Variants in FGF14 observed in about 807,000 individuals in gnomAD.
The protein encoded by FGF14 is fibroblast growth factor 14.
In FGF14, 5 loss-of-function variants were observed where a neutral mutation model predicts 25.5. The ratio of observed to expected loss-of-function variants is 0.20; its 90% CI spans 0.10 to 0.41. The LOEUF is 0.41. FGF14 is among the 10% of genes least tolerant of loss of function. The pLI is 1.00. For synonymous variants in FGF14, 138 were observed against 118.3 expected, an observed-to-expected ratio of 1.17 and a Z score of -1.08; for missense variants, 222 against 320.1, an observed-to-expected ratio of 0.69 and a Z score of 2.34.
At chr13:101,807,072 T>C (rs1345334186) in intron 3 of FGF14, among the ~76,000 whole-genome samples, 1 of 152,080 alleles carries the variant, frequency 6.6e-6, no homozygotes, top group African/African-American at 2.4e-5. Flanking sequence ...GGGGCAGGGA[T>C]GGTGCAAGAA....
intron 1 of FGF14, among the ~76,000 whole-genome samples, chr13:102,284,101 A>G (rs1981156): frequency 0.58 from 88,704 of 151,996 alleles, 26,042 homozygotes; most frequent in Middle Eastern, 0.67. Flanking sequence ...AACTTCAGGC[A>G]ACACTGTAGT....
At chr13:102,211,676 TC>T (rs1190702923) in intron 1 of FGF14, among the ~76,000 whole-genome samples, 1 of 152,182 alleles carries the variant, frequency 6.6e-6, no homozygotes, top group Non-Finnish European at 1.5e-5. Flanking sequence ...CAAACCTACT[TC>T]ACATTTTAAT....
intron 1 of FGF14, among the ~76,000 whole-genome samples, chr13:101,969,811 G>A (rs1321967989): frequency 6.6e-6 from 1 of 152,164 alleles, no homozygotes; most frequent in African/African-American, 2.4e-5. Context: ...GGGGTGAAAG[G>A]AGAGGTTGGG....
chr13:102,237,049 G>T (rs1341251130), intron 1 of FGF14, among the ~76,000 whole-genome samples: 2 of 152,174 alleles, frequency 1.3e-5, no homozygotes, highest in African/African-American at 2.4e-5. Flanking sequence ...CACAGGTATT[G>T]CTGGCAAGCC....
At position 101,971,390 on chromosome 13, in the gene FGF14, G is replaced by T. The variant is rs867490785; in HGVS notation, c.209-96094C>A. ...AGCATATAACTTTTTTTTTTTTTTT[G>T]AAATGGGTCTCACTCTGTCACCCAG... is the stretch of plus-strand genomic sequence containing the variant. On this transcript the variant is annotated intron_variant, in intron 1 of 4. Coordinates refer to the FGF14 transcript ENST00000376131. Among the ~76,000 whole-genome samples the T allele has an allele frequency of 2.3e-3, 284 of 125,444 alleles. 1 individual carries two copies. The highest frequency in any genetic ancestry group is 3.1e-3 in the Non-Finnish European group (185 of 59,154). 82.3% of individuals were successfully genotyped at this position (125,444 alleles called of 152,430 possible). A position where few individuals can be genotyped will look rare whatever the true frequency, so the allele number is the denominator to read the frequency against.
At chr13:101,945,126 G>A (rs533414715) in intron 1 of FGF14, among the ~76,000 whole-genome samples, 59 of 152,136 alleles carry the variant, frequency 3.9e-4, no homozygotes, top group African/African-American at 1.3e-3. Flanking sequence ...CGAGACCAGC[G>A]TGACCAACAT....
intron 1 of FGF14, among the ~76,000 whole-genome samples, chr13:102,386,276 G>A (rs1358175143): frequency 6.6e-6 from 1 of 151,730 alleles, no homozygotes; most frequent in Non-Finnish European, 1.5e-5. Flanking sequence ...GGGATTATAG[G>A]CATGTGCCAC....
chr13:101,845,861 A>G (rs2043428254), intron 3 of FGF14, among the ~76,000 whole-genome samples: 1 of 151,954 alleles, frequency 6.6e-6, no homozygotes, highest in African/African-American at 2.4e-5. Context: ...AAGAGTCATG[A>G]CTTTCCTTTG....
intron 1 of FGF14, among the ~76,000 whole-genome samples, chr13:101,958,733 G>A (rs1304420661): frequency 2.0e-5 from 3 of 152,144 alleles, no homozygotes; most frequent in Non-Finnish European, 4.4e-5. Context: ...CAGAACATAT[G>A]CACCTCAGAT....
At chr13:102,319,714 A>G (rs1478883044) in intron 1 of FGF14, among the ~76,000 whole-genome samples, 1 of 152,232 alleles carries the variant, frequency 6.6e-6, no homozygotes, top group Non-Finnish European at 1.5e-5. Flanking sequence ...TTCTTCTATT[A>G]ACTCTAAAAC....
At chr13:102,058,906 A>G (rs1004875794) in intron 1 of FGF14, among the ~76,000 whole-genome samples, 9 of 151,620 alleles carry the variant, frequency 5.9e-5, no homozygotes, top group Admixed American at 5.9e-4. Flanking sequence ...TTCTCATGAT[A>G]TCGAATTGCT....
intron 1 of FGF14, among the ~76,000 whole-genome samples, chr13:102,067,593 GCA>G (rs572907341): frequency 1.3e-3 from 203 of 151,118 alleles, no homozygotes; most frequent in African/African-American, 4.7e-3. Context: ...ATTTAAAAAT[GCA>G]CAGTCAGGGG....
intron 1 of FGF14, among the ~76,000 whole-genome samples, chr13:102,295,932 T>G (rs2054684675): frequency 6.6e-6 from 1 of 152,054 alleles, no homozygotes; most frequent in South Asian, 2.1e-4. Flanking sequence ...CCATCCAAAA[T>G]GGAGTTGAAA....
chr13:102,007,360 T>C (rs1434458764), intron 1 of FGF14, among the ~76,000 whole-genome samples: 1 of 152,196 alleles, frequency 6.6e-6, no homozygotes, highest in African/African-American at 2.4e-5. Context: ...ATCTGAGGTA[T>C]GGTCAGCAAG....
chr13:101,850,804 A>G (rs970986500), intron 3 of FGF14, among the ~76,000 whole-genome samples: 9 of 151,130 alleles, frequency 6.0e-5, no homozygotes, highest in Admixed American at 2.0e-4. Context: ...CTGAAATGCT[A>G]GAAGTCATGA....
intron 1 of FGF14, among the ~76,000 whole-genome samples, chr13:102,236,994 C>T (rs1297224785): frequency 6.6e-6 from 1 of 152,090 alleles, no homozygotes; most frequent in Admixed American, 6.5e-5. Context: ...ACAGAGGGGG[C>T]CGCACTAGGT....
intron 1 of FGF14, among the ~76,000 whole-genome samples, chr13:101,941,942 T>C (rs77925733): frequency 6.6e-6 from 1 of 152,190 alleles, no homozygotes; most frequent in Non-Finnish European, 1.5e-5. Flanking sequence ...CCTTAGTTTG[T>C]AAAACTATAT....
chr13:101,860,425 G>A (rs1316097817), intron 3 of FGF14, among the ~76,000 whole-genome samples: 1 of 151,848 alleles, frequency 6.6e-6, no homozygotes, highest in Non-Finnish European at 1.5e-5. Context: ...TTCAAGCCCT[G>A]AACTAGGAAT....
chr13:102,360,309 T>G (rs1022732756), intron 1 of FGF14, among the ~76,000 whole-genome samples: 1 of 152,128 alleles, frequency 6.6e-6, no homozygotes, highest in Non-Finnish European at 1.5e-5. Context: ...GTCTACATAT[T>G]TGAAAATTAG....
Sources: gnomAD v4.1 joint callset for allele counts (sites outside exome capture counted in the v4.1 genomes callset) on GRCh38, gnomAD v4.1.1 for gene constraint, MANE v1.5 for transcripts, NCBI Gene and HGNC (gene_info 2026-07-23, HGNC 2026-07-21) for gene names.